The following SIN3B variants were observed in gnomAD, a reference collection of about 807,000 sequenced individuals.
SIN3B encodes SIN3 transcription regulator family member B, also known as paired amphipathic helix protein Sin3b.
A neutral mutation model predicts 120.2 loss-of-function variants in SIN3B; 19 were observed. The observed-to-expected ratio is 0.16, with a 90% confidence interval of 0.11 to 0.23. The LOEUF is 0.23. Among genes scored for constraint, SIN3B ranks in the 10% least tolerant of loss-of-function variants. The probability of loss-of-function intolerance (pLI) is 1.00; values close to 1 mark genes in which losing one functional copy is unlikely to be tolerated. For synonymous variants in SIN3B, 654 were observed against 653.2 expected, an observed-to-expected ratio of 1.00 and a Z score of -0.02; for missense variants, 1,073 against 1,573.0, an observed-to-expected ratio of 0.68 and a Z score of 5.38.
At chr19:16,867,125 G>A (rs1008908760) in intron 12 of SIN3B, among the ~76,000 whole-genome samples, 1 of 152,176 alleles carries the variant, frequency 6.6e-6, no homozygotes, top group African/African-American at 2.4e-5. Flanking sequence ...TTAGGTAGTG[G>A]GTGGCAGCAG....
At chr19:16,847,161 G>C (rs1465404641) in intron 5 of SIN3B, 48 bp downstream of exon 5, 1 of 1,579,382 alleles carries the variant, frequency 6.3e-7, no homozygotes, top group Non-Finnish European at 8.6e-7. Context: ...CAGCGAGGAC[G>C]GAGGGCCCCA....
rs549652492 is a variant in SIN3B, at chr19:16,861,232, G to C, written c.1059-1120G>C. On this transcript the variant is annotated intron_variant, in intron 8 of 18. Transcript: ENST00000248054. ...GATAGGCAAACTTGATCTCTGAGGG[G>C]CCAGATGGGCTTTGTGGAAATGACT... Among the ~76,000 whole-genome samples the C allele has an allele frequency of 5.3e-5, 8 of 152,272 alleles. No homozygotes were observed. In the South Asian group the frequency reaches 1.5e-3, roughly 28 times the overall value.
chr19:16,849,956 CAA>C (rs145144544), intron 5 of SIN3B, among the ~76,000 whole-genome samples: 16 of 59,188 alleles, frequency 2.7e-4, no homozygotes, highest in Admixed American at 3.8e-4. Context: ...ACCTCCGTCT[CAA>C]AAAAAAAAAA....
In SIN3B at chr19:16,829,402, C is replaced by G; in HGVS notation, c.-19C>G. ...GACCTCGGGCGGGGGCGGGGCGGGG[C>G]GCAGCTCCGACTTCGGACATGGCGC... On this transcript the variant is annotated 5_prime_UTR_variant, in exon 1 of 19. Coordinates refer to ENST00000248054, the MANE Select transcript of SIN3B (RefSeq NM_001297595.2). 2 of 1,197,860 alleles carry G rather than the reference C, an allele frequency of 1.7e-6. No homozygotes were observed. Among genetic ancestry groups the G allele is most frequent in the Non-Finnish European group, 2.1e-6 (2 of 965,734 alleles). The allele number at this position is 1,197,860 out of a possible 1,614,324, so 74.2% of individuals were successfully genotyped here.
chr19:16,835,933 G>T (rs149695692), intron 3 of SIN3B, among the ~76,000 whole-genome samples: 2 of 152,138 alleles, frequency 1.3e-5, no homozygotes, highest in Non-Finnish European at 2.9e-5. Flanking sequence ...GACCCACCAC[G>T]CCTGGCCAGT....
At chr19:16,849,250 CCTT>C (rs1467295427) in intron 5 of SIN3B, among the ~76,000 whole-genome samples, 2 of 152,166 alleles carry the variant, frequency 1.3e-5, no homozygotes, top group Non-Finnish European at 1.5e-5. Flanking sequence ...GGTTGGCAAA[CCTT>C]CTCTACAAAG....
chr19:16,835,455 C>G (rs1971336061), intron 3 of SIN3B, among the ~76,000 whole-genome samples: 1 of 150,990 alleles, frequency 6.6e-6, no homozygotes, highest in South Asian at 2.1e-4. Context: ...TTTCGAAATC[C>G]CCTGACCTCA....
rs1238414185 is a variant in SIN3B at position 16,876,564 on chromosome 19, C to T, written c.2845C>T (p.Pro949Ser). Residue 949 changes from proline (P) to serine (S), a missense_variant, in exon 16 of 19, where the codon CCT becomes TCT. Pro to Ser is a moderately conservative substitution (Grantham distance 74, BLOSUM62 -1). This residue lies in a region of SIN3B where 311 missense variants were observed against 400.3 expected (regional missense o/e 0.78). Transcript: ENST00000248054. The surrounding 1 kb of genome is among the most constrained non-coding windows in gnomAD (Gnocchi z 7.1). ...LDTEEAQTED[P>S]VEVQHLARYV... ...CACCGAGGAGGCCCAGACGGAGGAC[C>T]CTGTGGAGGTCCAGGTGAGGCCCTG... The T allele has an allele frequency of 2.5e-6, 4 of 1,613,088 alleles. No individual in the cohort carries two copies. The highest frequency in any genetic ancestry group is 2.5e-6 in the Non-Finnish European group (3 of 1,179,774).
At position 16,846,966 on chromosome 19, in the gene SIN3B, G is replaced by A. The variant is rs758013831; in HGVS notation, c.583-4G>A. On this transcript the variant is annotated splice_region_variant and splice_polypyrimidine_tract_variant and intron_variant, in intron 4 of 18. Transcript: ENST00000248054. ...CTTATTTTCCCTTTCCTGAAAACTG[G>A]CAGAAGGAGCAGCTGAACACGAGGG... 1.2e-6 allele frequency: 2 copies of A among 1,613,366 alleles called. No individual in the cohort carries two copies. The highest frequency in any genetic ancestry group is 3.3e-5 in the Admixed American group (2 of 59,982).
Position 16,865,670 on chromosome 19 carries a change from T to TCCCTTC in SIN3B, c.1622+38_1622+43dup, listed in dbSNP as rs749852378. 6.6e-5 allele frequency: 99 copies of TCCCTTC among 1,503,738 alleles called. No individual in the cohort carries two copies. The East Asian group carries it at 1.3e-3, about 20-fold the overall frequency. The allele number at this position is 1,503,738 out of a possible 1,614,324, so 93.1% of individuals were successfully genotyped here. ...AAAGGTGCCCTGTGGCGTCCCGACT[T>TCCCTTC]CCCTTCCCCTTCCCCTTCCCCCTTC... On this transcript the variant is annotated intron_variant, in intron 11 of 18. Transcript: ENST00000248054.
At chr19:16,861,716 TTG>T (rs1971690611) in intron 8 of SIN3B, among the ~76,000 whole-genome samples, 1 of 151,382 alleles carries the variant, frequency 6.6e-6, no homozygotes, top group Non-Finnish European at 1.5e-5. Context: ...TGAGCCGAGA[TTG>T]TGCCATTGCA....
At chr19:16,849,911 G>A (rs1044673195) in intron 5 of SIN3B, among the ~76,000 whole-genome samples, 4 of 148,920 alleles carry the variant, frequency 2.7e-5, no homozygotes, top group Admixed American at 2.0e-4. Flanking sequence ...AGCTGAGATC[G>A]CACCATTGCG....
chr19:16,838,930 C>A, intron 3 of SIN3B, among the ~76,000 whole-genome samples: 1 of 147,192 alleles, frequency 6.8e-6, no homozygotes, highest in Non-Finnish European at 1.5e-5. Context: ...CCTTGGCCTC[C>A]CAAAGTGCTG....
intron 6 of SIN3B, among the ~76,000 whole-genome samples, chr19:16,852,724 G>A (rs1235318511): frequency 3.3e-5 from 5 of 152,208 alleles, no homozygotes; most frequent in African/African-American, 1.2e-4. Context: ...TCCGCTTCTT[G>A]TTGCTGTCTT....
rs371200416 is a variant in SIN3B, at chr19:16,848,058, A to G, written c.726+945A>G. Among the ~76,000 whole-genome samples the G allele has an allele frequency of 9.9e-5, 15 of 152,278 alleles. No homozygotes were observed. In the East Asian group the frequency reaches 2.1e-3, roughly 22 times the overall value. On this transcript the variant is annotated intron_variant, in intron 5 of 18. Transcript: ENST00000248054. ...ACTCAGCATCATGTTTTCAAGGTTTATCCATGTCGTACCGTGGATCAGTGC... is the reference window on the plus strand; with the variant it reads ...ACTCAGCATCATGTTTTCAAGGTTTGTCCATGTCGTACCGTGGATCAGTGC...
Position 16,851,380 on chromosome 19 carries a change from C to T in SIN3B, c.727-32C>T, listed in dbSNP as rs376699259. 118 of 1,553,996 alleles carry T rather than the reference C, an allele frequency of 7.6e-5. No individual in the cohort carries two copies. The African/African-American group carries it at 1.3e-3, about 17-fold the overall frequency. Reference sequence around the variant, plus strand: ...AGGTGCATGGGTCCAGCCACGTCTCCGGTGCTGACCACCTCCCACATGTGT... The same window carrying T: ...AGGTGCATGGGTCCAGCCACGTCTCTGGTGCTGACCACCTCCCACATGTGT... On this transcript the variant is annotated intron_variant, in intron 5 of 18. Coordinates refer to ENST00000248054, the MANE Select transcript of SIN3B (RefSeq NM_001297595.2).
intron 8 of SIN3B, among the ~76,000 whole-genome samples, chr19:16,861,308 T>C (rs1421208358): frequency 6.6e-6 from 1 of 152,130 alleles, no homozygotes; most frequent in Non-Finnish European, 1.5e-5. Flanking sequence ...CAAGTGGATG[T>C]GACTGCAGGC....
At chr19:16,866,223 C>T (rs747820329) in intron 11 of SIN3B, 150 bp from the exon 12 acceptor site, 19 of 701,920 alleles carry the variant, frequency 2.7e-5, no homozygotes, top group Non-Finnish European at 3.7e-5. Context: ...CTGACGTGCA[C>T]AGAGCCCACT....
intron 3 of SIN3B, 132 bp downstream of exon 3, chr19:16,831,779 C>G (rs1233668981): frequency 1.4e-6 from 1 of 730,330 alleles, no homozygotes; most frequent in Non-Finnish European, 2.3e-6. Context: ...TAGACGTGCT[C>G]ATTGCTTCTA....
Sources: allele counts gnomAD v4.1 joint callset (sites outside exome capture counted in the v4.1 genomes callset), GRCh38; gene constraint gnomAD v4.1.1; regional missense constraint gnomAD v4.1.1; non-coding constraint Gnocchi (gnomAD v3.1); transcripts MANE v1.5; gene names NCBI Gene and HGNC (gene_info 2026-07-23, HGNC 2026-07-21).